DHX58: variants seen among roughly 807,000 people sequenced by gnomAD.
DHX58 encodes ATP-dependent RNA helicase DHX58.
DHX58 carries 51 observed loss-of-function variants against 65.0 expected under a neutral mutation model. That is an observed-to-expected ratio of 0.78 (90% CI 0.63 to 0.99). DHX58 has a LOEUF of 0.99. Ranked by LOEUF, DHX58 falls within the 50% of genes least tolerant of loss-of-function variation. The probability of loss-of-function intolerance (pLI) is 0.00; values close to 1 mark genes in which losing one functional copy is unlikely to be tolerated. For missense variants in DHX58, 773 were observed against 891.8 expected (o/e 0.87, Z 1.70); for synonymous variants, 350 against 365.0 (o/e 0.96, Z 0.47).
intron 5 of DHX58, 40 bp from the exon 6 acceptor site, chr17:42,109,426 GT>G: frequency 6.4e-7 from 1 of 1,560,758 alleles, no homozygotes; most frequent in Non-Finnish European, 8.8e-7. Flanking sequence ...GGGAGGGTCT[GT>G]GGGGACAATG....
Position 42,105,969 on chromosome 17 carries a change from G to A in DHX58, c.1018C>T (p.His340Tyr), listed in dbSNP as rs1555662577. The A allele has an allele frequency of 3.7e-6, 6 of 1,613,230 alleles. No individual in the cohort carries two copies. The South Asian group carries it at 5.5e-5, about 15-fold the overall frequency. Reference protein sequence around the residue: ...LFDDRKNELAHLATHGPENPK... With the variant: ...LFDDRKNELAYLATHGPENPK... ...TTCTCTGGGCCATGAGTTGCCAAGT[G>A]GGCCAGCTCATTCTTGCGGTCTGTC... The change falls in exon 9 of 14, where the codon CAC becomes TAC. Residue 340 changes from histidine to tyrosine, a missense_variant. Transcript: ENST00000251642.
chr17:42,102,422 T>A, intron 12 of DHX58, 110 bp from the exon 13 acceptor site: 1 of 923,138 alleles, frequency 1.1e-6, no homozygotes, highest in Non-Finnish European at 1.7e-6. Context: ...TCCTGCTGGT[T>A]AAGAGGCACA....
intron 9 of DHX58, among the ~76,000 whole-genome samples, chr17:42,105,436 C>T (rs2054041082): frequency 6.6e-6 from 1 of 152,074 alleles, no homozygotes; most frequent in African/African-American, 2.4e-5. Context: ...TAGTCTTCTG[C>T]AAGGGACCCC....
At chr17:42,102,133 C>G (rs982777511) in intron 13 of DHX58, 83 bp downstream of exon 13, 2 of 1,523,152 alleles carry the variant, frequency 1.3e-6, no homozygotes, top group Admixed American at 1.7e-5. Flanking sequence ...GACTGTCTCC[C>G]GTGTCCTAGT....
intron 9 of DHX58, 58 bp downstream of exon 9, chr17:42,105,678 C>A: frequency 1.3e-6 from 2 of 1,509,244 alleles, no homozygotes; most frequent in South Asian, 1.3e-5. Flanking sequence ...CCCTGTTCCC[C>A]GCACTTCTCT....
intron 8 of DHX58, 134 bp downstream of exon 8, chr17:42,107,470 G>T: frequency 3.9e-6 from 4 of 1,034,632 alleles, no homozygotes; most frequent in Non-Finnish European, 5.4e-6. Flanking sequence ...CTTGGATTTT[G>T]GTTAGAAAAA....
In DHX58 at chr17:42,105,861, T is replaced by A. The variant is rs782656641; in HGVS notation, c.1126A>T (p.Thr376Ser). The change falls in exon 9 of 14, where the codon ACC becomes TCC. Residue 376 changes from threonine (T) to serine (S), a missense_variant. Physicochemically the swap from Thr to Ser is moderately conservative, Grantham distance 58. Coordinates refer to ENST00000251642, the MANE Select transcript of DHX58 (RefSeq NM_024119.3). ...NSPRGIIFTRTRQSAHSLLLW... is the reference protein window; with the variant it reads ...NSPRGIIFTRSRQSAHSLLLW... ...AGGAGGGAGTGTGCGCTTTGGCGGG[T>A]GCGGGTGAAGATGATACCCCGAGGG... 1 of 1,613,642 alleles carries A rather than the reference T, an allele frequency of 6.2e-7. No individual in the cohort carries two copies. The highest frequency in any genetic ancestry group is 8.5e-7 in the Non-Finnish European group (1 of 1,179,910).
chr17:42,106,285 AAGGGAAGG>A (rs1362365482), intron 8 of DHX58, among the ~76,000 whole-genome samples: 1 of 135,932 alleles, frequency 7.4e-6, no homozygotes. Flanking sequence ...AGAAGGAAAG[AAGGGAAGG>A]AGGGAAGGAA....
rs782424594 is a variant in DHX58, at chr17:42,108,049, C to A, written c.738G>T (p.Met246Ile). 6.8e-6 allele frequency: 11 copies of A among 1,614,274 alleles called. No individual in the cohort carries two copies. In the South Asian group the frequency reaches 1.2e-4, roughly 18 times the overall value. Residue 246 changes from methionine (M) to isoleucine (I), a missense_variant, in exon 7 of 14, where the codon ATG becomes ATT. By Grantham distance (10) the Met-to-Ile change is conservative (BLOSUM62 1). Transcript: ENST00000251642. ...TCCCAAATTTCCGGCTCAACTCAGG[C>A]ATCTCCAGGTGGTCATGGATTTGGT... is the stretch of plus-strand genomic sequence containing the variant. The part of the protein sequence containing the change: ...LMDQIHDHLE[M>I]PELSRKFGTQ...
intron 13 of DHX58, 84 bp from the exon 14 acceptor site, chr17:42,102,030 A>G: frequency 1.3e-6 from 2 of 1,498,574 alleles, no homozygotes; most frequent in Admixed American, 4.1e-5. Context: ...CCCTGAATAC[A>G]GGGCCTTTTC....
At chr17:42,108,353 G>A (rs952982007) in intron 6 of DHX58, among the ~76,000 whole-genome samples, 7 of 152,244 alleles carry the variant, frequency 4.6e-5, no homozygotes, top group African/African-American at 1.2e-4. Flanking sequence ...ACGTGCTTTG[G>A]TCAAGGAATA....
intron 9 of DHX58, 99 bp from the exon 10 acceptor site, chr17:42,105,266 C>A: frequency 7.0e-7 from 1 of 1,422,248 alleles, no homozygotes; most frequent in African/African-American, 1.4e-5. Flanking sequence ...AGCCCTCACT[C>A]CCAATCTTGG....
rs2053980207 is a variant in DHX58, at chr17:42,101,721, C to T, written c.*40G>A. The T allele has an allele frequency of 8.1e-6, 13 of 1,602,650 alleles. No homozygotes were observed. The highest frequency in any genetic ancestry group is 1.0e-5 in the Non-Finnish European group (12 of 1,172,490). On this transcript the variant is annotated 3_prime_UTR_variant, in exon 14 of 14. Transcript: ENST00000251642. ...CTGGAGTCTGCTGCAGACTCTCCCG[C>T]CCCCTACAGCCCAAACCGGGCACTG... is the stretch of plus-strand genomic sequence containing the variant.
In DHX58 at chr17:42,101,613, C is replaced by T. The variant is rs546320942; in HGVS notation, c.*148G>A. 9.5e-6 allele frequency: 10 copies of T among 1,049,894 alleles called. No individual in the cohort carries two copies. The highest frequency in any genetic ancestry group is 3.2e-5 in the African/African-American group (2 of 62,716). The allele number at this position is 1,049,894 out of a possible 1,614,324, so 65.0% of individuals were successfully genotyped here. A position where few individuals can be genotyped will look rare whatever the true frequency, so the allele number is the denominator to read the frequency against. The stretch of plus-strand genomic sequence containing the variant: ...TGGCCCTCCGGTTGTTTTCCCATTG[C>T]GGGAGCCTAAGCCAGGGTGCCCAGG... On this transcript the variant is annotated 3_prime_UTR_variant, in exon 14 of 14. Coordinates refer to ENST00000251642, the MANE Select transcript of DHX58 (RefSeq NM_024119.3).
rs781926543 is a variant in DHX58, at chr17:42,110,933, G to A, written c.371-20C>T. 5 of 1,571,046 alleles carry A rather than the reference G, an allele frequency of 3.2e-6. No homozygotes were observed. The East Asian group carries it at 9.1e-5, about 29-fold the overall frequency. On this transcript the variant is annotated intron_variant, in intron 4 of 13. Transcript: ENST00000251642. ...AGAAGACTGAGGGCACAGGGGGGAA[G>A]GCTGTGACCTATGTTTGCAAAGCCC...
chr17:42,101,666 C>A lies in DHX58; in HGVS notation c.*95G>T. The A allele has an allele frequency of 6.6e-7, 1 of 1,505,750 alleles. No individual in the cohort carries two copies. The highest frequency in any genetic ancestry group is 9.0e-7 in the Non-Finnish European group (1 of 1,112,906). The allele number at this position is 1,505,750 out of a possible 1,614,324, so 93.3% of individuals were successfully genotyped here. A position where few individuals can be genotyped will look rare whatever the true frequency, so the allele number is the denominator to read the frequency against. On this transcript the variant is annotated 3_prime_UTR_variant, in exon 14 of 14. Coordinates refer to ENST00000251642, the MANE Select transcript of DHX58 (RefSeq NM_024119.3). ...TCCTGTGTGGCTGGTGGGCCTGATG[C>A]CCACAGCTGATGATTCAGGAAGGAG...
At chr17:42,103,430 G>A in intron 12 of DHX58, 178 bp downstream of exon 12, 1 of 766,316 alleles carries the variant, frequency 1.3e-6, no homozygotes, top group South Asian at 1.9e-5. Context: ...TAGCCTCTCT[G>A]AGCCTCTATT....
chr17:42,108,421 C>T lies in DHX58; in HGVS notation c.679-313G>A, dbSNP rs947322014. Among the ~76,000 whole-genome samples the T allele has an allele frequency of 2.0e-5, 3 of 152,240 alleles. No homozygotes were observed. In the South Asian group the frequency reaches 6.2e-4, roughly 31 times the overall value. On this transcript the variant is annotated intron_variant, in intron 6 of 13. Transcript: ENST00000251642. ...AGCGAGTTTGGGGGGCAGGCACGTA[C>T]TCCACTTGCTATATAACCTGTTTGT... is the stretch of plus-strand genomic sequence containing the variant.
rs782239627 is a variant in DHX58, at chr17:42,110,775, G to A, written c.509C>T (p.Pro170Leu). 4 of 1,613,360 alleles carry A rather than the reference G, an allele frequency of 2.5e-6. No individual in the cohort carries two copies. Among genetic ancestry groups the A allele is most frequent in the Non-Finnish European group, 3.4e-6 (4 of 1,179,700 alleles). The change falls in exon 5 of 14, where the codon CCA becomes CTA. Residue 170 changes from proline (P) to leucine (L), a missense_variant. Coordinates refer to ENST00000251642, the MANE Select transcript of DHX58 (RefSeq NM_024119.3). ...GAGTTTGGAGGCCCCGCCAGTGCCT[G>A]GGGAGGCTGTGAGACCCAGCACCTG... ...LPQVLGLTAS[P>L]GTGGASKLDG...
Sources: gnomAD v4.1 joint callset for allele counts (sites outside exome capture counted in the v4.1 genomes callset) on GRCh38, gnomAD v4.1.1 for gene constraint, MANE v1.5 for transcripts, NCBI Gene and HGNC (gene_info 2026-07-23, HGNC 2026-07-21) for gene names.